Variants in CNTN5 observed in about 807,000 individuals in gnomAD.
CNTN5 encodes the protein contactin-5.
A neutral mutation model predicts 129.1 loss-of-function variants in CNTN5; 77 were observed. That is an observed-to-expected ratio of 0.60 (90% CI 0.50 to 0.72). The LOEUF (loss-of-function observed/expected upper bound fraction) is 0.72, where lower values mean the gene tolerates loss of function less well. CNTN5 is among the 30% of genes least tolerant of loss of function. CNTN5 has a pLI of 0.00. For missense variants in CNTN5, 1,478 were observed against 1,328.8 expected, an observed-to-expected ratio of 1.11 and a Z score of -1.75; for synonymous variants, 509 against 465.6, an observed-to-expected ratio of 1.09 and a Z score of -1.20.
intron 8 of CNTN5, among the ~76,000 whole-genome samples, chr11:99,969,772 T>C (rs145588208): frequency 1.3e-5 from 2 of 152,186 alleles, no homozygotes; most frequent in East Asian, 1.9e-4. Flanking sequence ...AGTCATTCCA[T>C]GTACTTATCC....
Position 99,845,199 on chromosome 11 carries a change from C to T in CNTN5, c.514C>T (p.Gln172Ter). 6.2e-7 allele frequency: 1 copy of T among 1,613,648 alleles called. No individual in the cohort carries two copies. Among genetic ancestry groups the T allele is most frequent in the Non-Finnish European group, 8.5e-7 (1 of 1,179,808 alleles). ...TGAAGCAAAGGATTCTGGTCATTAT[C>T]AGTGTTTAGCAACCAACACTGTGGG... ...PSEAKDSGHY[Q>*]CLATNTVGSI... Residue 172 changes from glutamine (Q) to a stop codon, truncating the protein, a stop_gained, in exon 6 of 25, where the codon CAG becomes TAG. Coordinates refer to ENST00000524871, the MANE Select transcript of CNTN5 (RefSeq NM_014361.4). LOFTEE classifies it high-confidence loss of function.
chr11:99,780,731 A>G (rs1945283151), intron 3 of CNTN5, among the ~76,000 whole-genome samples: 1 of 152,122 alleles, frequency 6.6e-6, no homozygotes, highest in South Asian at 2.1e-4. Context: ...AATCTAGAGT[A>G]AAATTACGCT....
chr11:100,186,081 T>C (rs1948293435), intron 13 of CNTN5, among the ~76,000 whole-genome samples: 1 of 152,136 alleles, frequency 6.6e-6, no homozygotes, highest in South Asian at 2.1e-4. Flanking sequence ...GAGTCCAGGC[T>C]GGGCAGGGTG....
At chr11:99,438,067 G>A (rs1277504611) in intron 2 of CNTN5, among the ~76,000 whole-genome samples, 3 of 152,062 alleles carry the variant, frequency 2.0e-5, no homozygotes, top group South Asian at 2.1e-4. Context: ...TATCATTTTA[G>A]TGCAACATTT....
At chr11:100,134,595 CTGT>C (rs1175452056) in intron 13 of CNTN5, among the ~76,000 whole-genome samples, 4 of 152,084 alleles carry the variant, frequency 2.6e-5, no homozygotes, top group Non-Finnish European at 5.9e-5. Context: ...AAATCAGGGG[CTGT>C]TATTTATTTT....
intron 18 of CNTN5, among the ~76,000 whole-genome samples, chr11:100,287,283 G>A (rs900221255): frequency 2.6e-4 from 39 of 152,052 alleles, no homozygotes; most frequent in African/African-American, 9.4e-4. Flanking sequence ...CTCGAGAAGA[G>A]CAACTCCAAG....
intron 10 of CNTN5, among the ~76,000 whole-genome samples, chr11:100,061,795 C>A (rs952643087): frequency 6.6e-6 from 1 of 152,238 alleles, no homozygotes; most frequent in African/African-American, 2.4e-5. Context: ...GATGTTGGAA[C>A]AAAGTCACAC....
chr11:99,166,258 C>T (rs1007084487), intron 1 of CNTN5, among the ~76,000 whole-genome samples: 11 of 151,862 alleles, frequency 7.2e-5, no homozygotes, highest in Admixed American at 1.3e-4. Flanking sequence ...AAAAATTAGC[C>T]GGGCATGGTG....
In CNTN5 at chr11:99,753,634, C is replaced by T. The variant is rs531434312; in HGVS notation, c.56-65910C>T. Among the ~76,000 whole-genome samples the T allele has an allele frequency of 3.1e-4, 42 of 134,652 alleles. No homozygotes were observed. In the South Asian group the frequency reaches 4.3e-3, roughly 14 times the overall value. The allele number at this position is 134,652 out of a possible 152,430, so 88.3% of individuals were successfully genotyped here. A position where few individuals can be genotyped will look rare whatever the true frequency, so the allele number is the denominator to read the frequency against. On this transcript the variant is annotated intron_variant, in intron 3 of 24. Transcript: ENST00000524871. Reference sequence around the variant, plus strand: ...CACAGTTTTAAGCAGATGTGAGTCTCTGTCCAAATTTTTACTGAAAAAAAA... The same window carrying T: ...CACAGTTTTAAGCAGATGTGAGTCTTTGTCCAAATTTTTACTGAAAAAAAA...
intron 3 of CNTN5, among the ~76,000 whole-genome samples, chr11:99,600,207 C>G (rs1158764528): frequency 6.6e-6 from 1 of 151,928 alleles, no homozygotes; most frequent in Non-Finnish European, 1.5e-5. Context: ...AACAAAATTC[C>G]TCATGTACTC....
chr11:100,296,554 T>C (rs1197552550), intron 18 of CNTN5, among the ~76,000 whole-genome samples: 1 of 151,498 alleles, frequency 6.6e-6, no homozygotes, highest in Admixed American at 6.6e-5. Flanking sequence ...GAGAATTGTG[T>C]TCATGGAGAA....
intron 3 of CNTN5, among the ~76,000 whole-genome samples, chr11:99,620,710 G>A (rs1385995756): frequency 2.0e-5 from 3 of 150,400 alleles, no homozygotes; most frequent in African/African-American, 7.3e-5. Flanking sequence ...CTAGGCCCCC[G>A]CTCCCCCCCG....
chr11:100,086,657 A>G (rs1250417628), intron 13 of CNTN5, among the ~76,000 whole-genome samples: 1 of 151,532 alleles, frequency 6.6e-6, no homozygotes, highest in Non-Finnish European at 1.5e-5. Flanking sequence ...AGAAATAAAA[A>G]TTCAGCAATT....
At chr11:99,239,825 T>C (rs1275258444) in intron 1 of CNTN5, among the ~76,000 whole-genome samples, 1 of 151,516 alleles carries the variant, frequency 6.6e-6, no homozygotes, top group Non-Finnish European at 1.5e-5. Flanking sequence ...TAGTCCCAGC[T>C]ACTCGGGAGG....
intron 15 of CNTN5, among the ~76,000 whole-genome samples, chr11:100,223,090 G>A (rs996260054): frequency 1.7e-4 from 26 of 152,114 alleles, no homozygotes; most frequent in African/African-American, 6.3e-4. Flanking sequence ...AATTCAGTTA[G>A]GATTTAAAAG....
intron 1 of CNTN5, among the ~76,000 whole-genome samples, chr11:99,113,048 A>G (rs921453682): frequency 3.3e-5 from 5 of 152,218 alleles, no homozygotes; most frequent in African/African-American, 1.2e-4. Flanking sequence ...CAACCGTATT[A>G]ATGGATAGTT....
chr11:99,518,472 T>C (rs1017838037), intron 2 of CNTN5, among the ~76,000 whole-genome samples: 1 of 152,094 alleles, frequency 6.6e-6, no homozygotes, highest in African/African-American at 2.4e-5. Context: ...GTCTTCAAGC[T>C]CTTGTGAAAC....
intron 2 of CNTN5, among the ~76,000 whole-genome samples, chr11:99,353,329 T>C (rs114095857): frequency 0.025 from 3,788 of 152,246 alleles, 133 homozygotes; most frequent in African/African-American, 0.086. Context: ...CAAAAATTAT[T>C]AGTAGACTAC....
intron 6 of CNTN5, among the ~76,000 whole-genome samples, chr11:99,860,507 T>C (rs984053104): frequency 6.6e-6 from 1 of 152,180 alleles, no homozygotes; most frequent in African/African-American, 2.4e-5. Context: ...GAGGTCCAAT[T>C]TCATTCTTCT....
Sources: gnomAD v4.1 joint callset for allele counts (sites outside exome capture counted in the v4.1 genomes callset) on GRCh38, gnomAD v4.1.1 for gene constraint, MANE v1.5 for transcripts, NCBI Gene and HGNC (gene_info 2026-07-23, HGNC 2026-07-21) for gene names.